The following PAK5 variants were observed in gnomAD, a reference collection of about 807,000 sequenced individuals.
PAK5 encodes the protein p21 (RAC1) activated kinase 5, also known as serine/threonine-protein kinase PAK 5.
Under a neutral mutation model 65.9 loss-of-function variants are expected in PAK5, and 16 were observed. The ratio of observed to expected loss-of-function variants is 0.24; its 90% CI spans 0.16 to 0.37. The LOEUF (loss-of-function observed/expected upper bound fraction) is 0.37. Among genes scored for constraint, PAK5 ranks in the 10% least tolerant of loss-of-function variants. The pLI, the probability that PAK5 is intolerant of heterozygous loss-of-function variation, is 1.00. For missense variants in PAK5, 785 were observed against 903.9 expected (o/e 0.87, Z 1.69); for synonymous variants, 371 against 354.9 (o/e 1.05, Z -0.51).
chr20:9,748,384 G>A (rs73600258), intron 1 of PAK5, among the ~76,000 whole-genome samples: 1,902 of 152,112 alleles, frequency 0.013, 106 homozygotes, highest in Admixed American at 0.091. Flanking sequence ...CGCCAAGTCA[G>A]TCCTAAGCCA....
chr20:9,609,402 G>A (rs1161510777), intron 3 of PAK5, among the ~76,000 whole-genome samples: 1 of 152,182 alleles, frequency 6.6e-6, no homozygotes, highest in Non-Finnish European at 1.5e-5. Context: ...CCTCGCATAG[G>A]TGCCCACATA....
intron 3 of PAK5, among the ~76,000 whole-genome samples, chr20:9,640,541 T>C (rs1448821678): frequency 1.3e-5 from 2 of 152,216 alleles, no homozygotes; most frequent in African/African-American, 2.4e-5. Context: ...TGTGTGTTTA[T>C]AGCAGCATGT....
At chr20:9,786,058 A>T (rs1178725814) in intron 1 of PAK5, among the ~76,000 whole-genome samples, 2 of 152,056 alleles carry the variant, frequency 1.3e-5, no homozygotes, top group African/African-American at 4.8e-5. Flanking sequence ...TTGTCATGTC[A>T]TGGTTGAAAG....
chr20:9,712,099 G>A lies in PAK5; in HGVS notation c.-161-664C>T, dbSNP rs1025864292. Among the ~76,000 whole-genome samples the A allele has an allele frequency of 2.0e-5, 3 of 152,118 alleles. No individual in the cohort carries two copies. In the South Asian group the frequency reaches 6.2e-4, roughly 32 times the overall value. On this transcript the variant is annotated intron_variant, in intron 1 of 9. Coordinates refer to ENST00000353224, the MANE Select transcript of PAK5 (RefSeq NM_177990.4). ...TCCATAAGGCACGTGACAGCCTATT[G>A]TGCTTAGGAACATGAGACAGCATGT...
chr20:9,724,135 T>C (rs2048248814), intron 1 of PAK5, among the ~76,000 whole-genome samples: 1 of 152,186 alleles, frequency 6.6e-6, no homozygotes, highest in African/African-American at 2.4e-5. Context: ...ATCGAGGTTA[T>C]TTACTTCCAC....
At chr20:9,662,067 T>C (rs914689174) in intron 2 of PAK5, among the ~76,000 whole-genome samples, 1 of 152,154 alleles carries the variant, frequency 6.6e-6, no homozygotes, top group African/African-American at 2.4e-5. Context: ...TTACTATGAT[T>C]CTTGAATAAT....
chr20:9,630,858 C>T (rs538090848), intron 3 of PAK5, among the ~76,000 whole-genome samples: 2 of 152,260 alleles, frequency 1.3e-5, no homozygotes, highest in African/African-American at 4.8e-5. Flanking sequence ...CTTGCCCTCA[C>T]CCTGCCCCCA....
intron 1 of PAK5, among the ~76,000 whole-genome samples, chr20:9,720,277 T>G: frequency 6.6e-6 from 1 of 151,992 alleles, no homozygotes; most frequent in Non-Finnish European, 1.5e-5. Flanking sequence ...ATTTTTATTT[T>G]TATTAGTCTT....
chr20:9,538,750 A>G lies in PAK5; in HGVS notation c.*712T>C, dbSNP rs781720503. ...CATTATTTTTGGTTGGATTAATGAA[A>G]CGTGCACACCATCACCATCACTCTT... On this transcript the variant is annotated 3_prime_UTR_variant, in exon 10 of 10. Transcript: ENST00000353224. 8.6e-6 allele frequency: 2 copies of G among 233,330 alleles called. No homozygotes were observed. The highest frequency in any genetic ancestry group is 1.7e-5 in the Non-Finnish European group (2 of 117,940). 14.5% of individuals were successfully genotyped at this position (233,330 alleles called of 1,614,324 possible). A position where few individuals can be genotyped will look rare whatever the true frequency, so the allele number is the denominator to read the frequency against.
chr20:9,550,131 T>C (rs1224011579), intron 7 of PAK5, among the ~76,000 whole-genome samples: 2 of 152,208 alleles, frequency 1.3e-5, no homozygotes, highest in Non-Finnish European at 2.9e-5. Context: ...AATGCTACTG[T>C]CTTCCATGGC....
At chr20:9,608,861 T>C (rs1406036530) in intron 3 of PAK5, among the ~76,000 whole-genome samples, 1 of 152,238 alleles carries the variant, frequency 6.6e-6, no homozygotes, top group East Asian at 1.9e-4. Flanking sequence ...ACTGTCCAGC[T>C]GCTGCTCCTT....
intron 4 of PAK5, among the ~76,000 whole-genome samples, chr20:9,566,589 G>A (rs577330553): frequency 6.6e-5 from 10 of 152,112 alleles, no homozygotes; most frequent in African/African-American, 2.2e-4. Context: ...GTTACTTCAC[G>A]TGTGTCATAT....
intron 2 of PAK5, among the ~76,000 whole-genome samples, chr20:9,703,320 A>C (rs1452384073): frequency 1.3e-5 from 2 of 152,188 alleles, no homozygotes; most frequent in African/African-American, 2.4e-5. Context: ...ACCTGATAAC[A>C]ACTACTTAAG....
At chr20:9,783,996 A>G (rs1311208791) in intron 1 of PAK5, among the ~76,000 whole-genome samples, 1 of 152,202 alleles carries the variant, frequency 6.6e-6, no homozygotes, top group African/African-American at 2.4e-5. Flanking sequence ...TCAATTAACT[A>G]CAATTCTACC....
At chr20:9,830,687 G>A (rs1978642008) in intron 1 of PAK5, among the ~76,000 whole-genome samples, 2 of 152,088 alleles carry the variant, frequency 1.3e-5, no homozygotes, top group South Asian at 4.1e-4. Context: ...TAAGGATCAG[G>A]CTGAAAATCC....
chr20:9,652,517 A>G (rs1268505515), intron 2 of PAK5, among the ~76,000 whole-genome samples: 1 of 152,222 alleles, frequency 6.6e-6, no homozygotes, highest in Non-Finnish European at 1.5e-5. Context: ...GTGTCTCCTA[A>G]TAGGACCCAT....
intron 1 of PAK5, among the ~76,000 whole-genome samples, chr20:9,793,706 T>C (rs6039583): frequency 0.09 from 13,631 of 152,006 alleles, 1,097 homozygotes; most frequent in African/African-American, 0.2. Flanking sequence ...TATGGAGAAA[T>C]AGGAACACTT....
intron 3 of PAK5, among the ~76,000 whole-genome samples, chr20:9,631,413 C>T (rs1375624326): frequency 1.3e-5 from 2 of 152,062 alleles, no homozygotes; most frequent in Non-Finnish European, 2.9e-5. Context: ...ATATATAGTC[C>T]AAGCAGACTA....
intron 1 of PAK5, among the ~76,000 whole-genome samples, chr20:9,725,916 G>T (rs182003041): frequency 6.6e-6 from 1 of 151,892 alleles, no homozygotes; most frequent in Non-Finnish European, 1.5e-5. Flanking sequence ...ACTCCAAAAG[G>T]CATTTTTTAA....
Sources: allele counts gnomAD v4.1 joint callset (sites outside exome capture counted in the v4.1 genomes callset), GRCh38; gene constraint gnomAD v4.1.1; transcripts MANE v1.5; gene names NCBI Gene and HGNC (gene_info 2026-07-23, HGNC 2026-07-21).